Variants in SCIMP observed in about 807,000 individuals in gnomAD.
SCIMP encodes the protein SLP adaptor and CSK interacting membrane protein.
A neutral mutation model predicts 22.0 loss-of-function variants in SCIMP; 18 were observed. That is an observed-to-expected ratio of 0.82 (90% CI 0.56 to 1.21). The LOEUF (loss-of-function observed/expected upper bound fraction) is 1.21, where lower values mean the gene tolerates loss of function less well. Ranked by LOEUF, SCIMP falls within the 50% of genes most tolerant of loss-of-function variation. SCIMP has a pLI of 0.00. For synonymous variants in SCIMP, 53 were observed against 62.2 expected, an observed-to-expected ratio of 0.85 and a Z score of 0.70; for missense variants, 155 against 171.2, an observed-to-expected ratio of 0.91 and a Z score of 0.53.
At chr17:5,228,647 A>G (rs2074670523) in intron 1 of SCIMP, among the ~76,000 whole-genome samples, 1 of 152,134 alleles carries the variant, frequency 6.6e-6, no homozygotes, top group South Asian at 2.1e-4. Context: ...CCTGTCTCAA[A>G]AAAAAAAGAA....
chr17:5,232,913 T>C (rs570577788), intron 1 of SCIMP, among the ~76,000 whole-genome samples: 6 of 152,162 alleles, frequency 3.9e-5, no homozygotes, highest in Non-Finnish European at 8.8e-5. Flanking sequence ...GGTTTTGCCA[T>C]GTTGGCCTGG....
chr17:5,226,094 A>G (rs1208611855), intron 1 of SCIMP, among the ~76,000 whole-genome samples: 2 of 152,158 alleles, frequency 1.3e-5, no homozygotes, highest in Non-Finnish European at 2.9e-5. Context: ...TTCCTGAAAC[A>G]ATACTCTTTA....
intron 1 of SCIMP, among the ~76,000 whole-genome samples, chr17:5,233,509 G>A (rs7224679): frequency 0.61 from 92,531 of 151,886 alleles, 30,139 homozygotes; most frequent in Non-Finnish European, 0.74. Flanking sequence ...AGTAGCTGGG[G>A]CTATAGGCGC....
intron 1 of SCIMP, among the ~76,000 whole-genome samples, chr17:5,232,648 T>C (rs1170387835): frequency 2.0e-5 from 3 of 152,142 alleles, no homozygotes; most frequent in Admixed American, 2.0e-4. Flanking sequence ...CTTGCCCCAG[T>C]TCACCTCTAA....
chr17:5,227,963 A>G (rs2074664237), intron 1 of SCIMP, among the ~76,000 whole-genome samples: 1 of 152,180 alleles, frequency 6.6e-6, no homozygotes, highest in East Asian at 1.9e-4. Flanking sequence ...TCATGAGGTC[A>G]GGAGTTCAAG....
intron 3 of SCIMP, among the ~76,000 whole-genome samples, chr17:5,220,165 G>T (rs991052420): frequency 6.6e-6 from 1 of 152,106 alleles, no homozygotes; most frequent in Non-Finnish European, 1.5e-5. Flanking sequence ...AAAGTGGATG[G>T]CATATTTTTC....
intron 2 of SCIMP, among the ~76,000 whole-genome samples, chr17:5,221,999 C>T (rs1399187545): frequency 6.6e-6 from 1 of 151,998 alleles, no homozygotes; most frequent in African/African-American, 2.4e-5. Flanking sequence ...GTCTTGAACT[C>T]CCGACCTCAA....
At chr17:5,231,618 A>G (rs565948303) in intron 1 of SCIMP, among the ~76,000 whole-genome samples, 17 of 152,136 alleles carry the variant, frequency 1.1e-4, no homozygotes, top group African/African-American at 3.9e-4. Context: ...TTTCCCTCCA[A>G]TCACCTTCCC....
At chr17:5,229,787 GGCC>G (rs2074679587) in intron 1 of SCIMP, among the ~76,000 whole-genome samples, 1 of 151,714 alleles carries the variant, frequency 6.6e-6, no homozygotes, top group African/African-American at 2.4e-5. Flanking sequence ...AGCGCTGAAG[GGCC>G]CTAGGCTGGC....
At chr17:5,231,360 CAA>C (rs1463715215) in intron 1 of SCIMP, among the ~76,000 whole-genome samples, 3 of 116,356 alleles carry the variant, frequency 2.6e-5, no homozygotes, top group Non-Finnish European at 3.7e-5. Context: ...AACTCCATCT[CAA>C]AAAAAAAAAA....
intron 1 of SCIMP, among the ~76,000 whole-genome samples, chr17:5,223,860 G>A (rs2074627167): frequency 1.3e-5 from 2 of 152,126 alleles, no homozygotes; most frequent in Admixed American, 1.3e-4. Flanking sequence ...AATCTACTGT[G>A]TTGTGTAGAG....
intron 2 of SCIMP, 152 bp downstream of exon 2, chr17:5,223,181 C>A: frequency 1.4e-6 from 1 of 723,988 alleles, no homozygotes; most frequent in Admixed American, 2.4e-5. Flanking sequence ...AATGTAGTGG[C>A]AGGGTTAGGA....
chr17:5,227,939 C>T (rs1319407596), intron 1 of SCIMP, among the ~76,000 whole-genome samples: 23 of 152,084 alleles, frequency 1.5e-4, no homozygotes. Flanking sequence ...CTTTGGGAGG[C>T]CGAGGCAGGC....
intron 3 of SCIMP, among the ~76,000 whole-genome samples, chr17:5,218,355 T>TTTTG (rs2074581004): frequency 1.3e-5 from 2 of 151,836 alleles, no homozygotes; most frequent in Admixed American, 1.3e-4. Flanking sequence ...GCTTTTTTTT[T>TTTTG]TTTGAGACTG....
At chr17:5,218,018 C>T (rs2074578286) in intron 3 of SCIMP, among the ~76,000 whole-genome samples, 1 of 151,988 alleles carries the variant, frequency 6.6e-6, no homozygotes, top group Non-Finnish European at 1.5e-5. Flanking sequence ...AACTAGTTTA[C>T]CGTCCCACCA....
intron 1 of SCIMP, among the ~76,000 whole-genome samples, chr17:5,226,699 G>A (rs968190273): frequency 6.6e-5 from 10 of 151,790 alleles, no homozygotes; most frequent in Non-Finnish European, 1.5e-4. Context: ...AGTAGAGATG[G>A]GGTTTCACCA....
chr17:5,210,944 C>A lies in SCIMP; in HGVS notation c.295G>T (p.Ala99Ser). The change falls in exon 5 of 5, where the codon GCC becomes TCC. Residue 99 changes from alanine to serine, a missense_variant. Coordinates refer to ENST00000574081, the MANE Select transcript of SCIMP (RefSeq NM_207103.3). The stretch of plus-strand genomic sequence containing the variant: ...TATGTAGCGGGCGGCTGACTTGGGG[C>A]TTCCTGTGGGGCTAGAATACACAAA... ...PSLEDSSPQE[A>S]PSQPPATYSL... 1 of 1,611,022 alleles carries A rather than the reference C, an allele frequency of 6.2e-7. No homozygotes were observed. The highest frequency in any genetic ancestry group is 8.5e-7 in the Non-Finnish European group (1 of 1,179,228).
At chr17:5,233,635 TGC>T (rs2144356533) in intron 1 of SCIMP, among the ~76,000 whole-genome samples, 1 of 152,224 alleles carries the variant, frequency 6.6e-6, no homozygotes, top group East Asian at 1.9e-4. Context: ...CCTCCCAAAG[TGC>T]TGGGATTAGA....
intron 4 of SCIMP, among the ~76,000 whole-genome samples, chr17:5,212,362 C>T (rs780437407): frequency 3.4e-4 from 52 of 151,880 alleles, no homozygotes; most frequent in Admixed American, 1.8e-3. Context: ...GGGCCGGGCG[C>T]GGTGGCTCAC....
Sources: allele counts gnomAD v4.1 joint callset (sites outside exome capture counted in the v4.1 genomes callset), GRCh38; gene constraint gnomAD v4.1.1; transcripts MANE v1.5; gene names NCBI Gene and HGNC (gene_info 2026-07-23, HGNC 2026-07-21).